SLC35F3: variants seen among roughly 807,000 people sequenced by gnomAD.
SLC35F3 encodes solute carrier family 35 member F3, also known as putative thiamine transporter SLC35F3.
In SLC35F3, 25 loss-of-function variants were observed where a neutral mutation model predicts 49.9. That is an observed-to-expected ratio of 0.50 (90% confidence interval 0.37 to 0.70). The LOEUF is 0.70. Among genes scored for constraint, SLC35F3 ranks in the 30% least tolerant of loss-of-function variants. The pLI, the probability that SLC35F3 is intolerant of heterozygous loss-of-function variation, is 0.00. For missense variants in SLC35F3, 525 were observed against 639.8 expected (o/e 0.82, Z 1.94); for synonymous variants, 275 against 265.4 (o/e 1.04, Z -0.35).
At chr1:234,108,733 ATATC>A (rs1276043397) in intron 2 of SLC35F3, among the ~76,000 whole-genome samples, 7 of 81,670 alleles carry the variant, frequency 8.6e-5, no homozygotes, top group African/African-American at 1.5e-4. Context: ...ATAAATATAT[ATATC>A]TTTTATATAT....
intron 2 of SLC35F3, among the ~76,000 whole-genome samples, chr1:234,109,531 G>A (rs1477625277): frequency 6.6e-6 from 1 of 152,122 alleles, no homozygotes; most frequent in Non-Finnish European, 1.5e-5. Flanking sequence ...GTTTCTCTGT[G>A]CGGTTGACTT....
intron 2 of SLC35F3, among the ~76,000 whole-genome samples, chr1:234,171,771 A>G (rs1241885643): frequency 6.6e-6 from 1 of 152,222 alleles, no homozygotes; most frequent in African/African-American, 2.4e-5. Context: ...CTGTAGAATA[A>G]CTGTAGTTAA....
intron 3 of SLC35F3, chr1:234,268,468 A>AGGGAGAGGGAGG (rs1333922941): frequency 2.6e-5 from 4 of 152,378 alleles, no homozygotes; most frequent in South Asian, 4.2e-4. Flanking sequence ...AGAGAGGGAG[A>AGGGAGAGGGAGG]GGGAGAGGGA....
chr1:234,144,583 G>A (rs1045568779), intron 2 of SLC35F3, among the ~76,000 whole-genome samples: 5 of 152,114 alleles, frequency 3.3e-5, no homozygotes, highest in South Asian at 2.1e-4. Flanking sequence ...ATTTAGAAGC[G>A]AAATTAGCAC....
At position 234,049,812 on chromosome 1, in the gene SLC35F3, G is replaced by A. The variant is rs559824481; in HGVS notation, c.283+144054G>A. ...CTACCCCAACCCCACGACGGGCCCC[G>A]GTGTGTGATGTTCCCTTTCCTGTGT... On this transcript the variant is annotated intron_variant, in intron 2 of 7. Transcript: ENST00000366618. 7.2e-5 allele frequency among the ~76,000 whole-genome samples: 11 copies of A among 152,092 alleles called. No individual in the cohort carries two copies. In the South Asian group the frequency reaches 8.3e-4, roughly 11 times the overall value.
chr1:234,078,177 A>C (rs1024842594), intron 2 of SLC35F3, among the ~76,000 whole-genome samples: 8 of 151,878 alleles, frequency 5.3e-5, no homozygotes, highest in Non-Finnish European at 1.0e-4. Context: ...CCTTTCCTCT[A>C]CCATTTAAAT....
intron 2 of SLC35F3, among the ~76,000 whole-genome samples, chr1:234,122,608 C>G (rs1665592669): frequency 6.6e-6 from 1 of 152,142 alleles, no homozygotes. Flanking sequence ...TCCTAATGCT[C>G]TCCCTCCCCT....
intron 2 of SLC35F3, among the ~76,000 whole-genome samples, chr1:233,915,450 G>A (rs1661952027): frequency 6.6e-6 from 1 of 152,202 alleles, no homozygotes; most frequent in Non-Finnish European, 1.5e-5. Flanking sequence ...GGAGGCTGAG[G>A]TGGGAGGATC....
At chr1:234,152,376 T>C (rs928232472) in intron 2 of SLC35F3, among the ~76,000 whole-genome samples, 1 of 152,026 alleles carries the variant, frequency 6.6e-6, no homozygotes, top group African/African-American at 2.4e-5. Flanking sequence ...TAATGCTATC[T>C]CTCCCCTAGC....
intron 2 of SLC35F3, among the ~76,000 whole-genome samples, chr1:234,080,385 A>G (rs1222316159): frequency 6.6e-6 from 1 of 152,188 alleles, no homozygotes; most frequent in African/African-American, 2.4e-5. Flanking sequence ...CCCCTCAGGT[A>G]TATACCCAAG....
intron 3 of SLC35F3, among the ~76,000 whole-genome samples, chr1:234,270,059 A>G (rs1163923734): frequency 6.6e-6 from 1 of 152,126 alleles, no homozygotes; most frequent in Non-Finnish European, 1.5e-5. Flanking sequence ...TAACCTTCAC[A>G]TCTTCATTAA....
rs1364505331 is a variant in SLC35F3, at chr1:234,267,722, G to T, written c.608+35981G>T. Among the ~76,000 whole-genome samples the T allele has an allele frequency of 1.4e-3, 153 of 112,918 alleles. No homozygotes were observed. The East Asian group carries it at 0.022, about 16-fold the overall frequency. The allele number at this position is 112,918 out of a possible 152,430, so 74.1% of individuals were successfully genotyped here. On this transcript the variant is annotated intron_variant, in intron 3 of 7. Transcript: ENST00000366618. ...GACGGGGTGGCTGCCGGACGGAGGG[G>T]CTCCTCACTTCTCAGACGGGGCGGT...
At chr1:234,079,931 G>A (rs1178965975) in intron 2 of SLC35F3, among the ~76,000 whole-genome samples, 1 of 152,092 alleles carries the variant, frequency 6.6e-6, no homozygotes, top group Non-Finnish European at 1.5e-5. Context: ...CTCCTAAAAC[G>A]CTAGAGATTT....
At position 234,172,703 on chromosome 1, in the gene SLC35F3, A is replaced by G. The variant is rs552869170; in HGVS notation, c.284-58714A>G. Among the ~76,000 whole-genome samples the G allele has an allele frequency of 3.5e-4, 54 of 152,274 alleles. No homozygotes were observed. The South Asian group carries it at 7.9e-3, about 22-fold the overall frequency. On this transcript the variant is annotated intron_variant, in intron 2 of 7. Coordinates refer to ENST00000366618, the MANE Select transcript of SLC35F3 (RefSeq NM_173508.4). ...CTATTTCCTCTGCTTCTAGGCTACAAACTGGTACAGCATGTGACTGTTCTC... is the reference window on the plus strand; with the variant it reads ...CTATTTCCTCTGCTTCTAGGCTACAGACTGGTACAGCATGTGACTGTTCTC...
chr1:234,118,102 C>T (rs1665520341), intron 2 of SLC35F3, among the ~76,000 whole-genome samples: 1 of 152,050 alleles, frequency 6.6e-6, no homozygotes, highest in Middle Eastern at 3.4e-3. Context: ...CTAGTTAACA[C>T]TGTGCTTTGT....
chr1:234,279,166 G>C (rs1668263658), intron 3 of SLC35F3, among the ~76,000 whole-genome samples: 1 of 152,170 alleles, frequency 6.6e-6, no homozygotes, highest in South Asian at 2.1e-4. Context: ...AACTGTAAGT[G>C]GGGAGGGGAC....
chr1:233,920,464 G>A (rs1173227968), intron 2 of SLC35F3, among the ~76,000 whole-genome samples: 1 of 152,206 alleles, frequency 6.6e-6, no homozygotes, highest in Non-Finnish European at 1.5e-5. Flanking sequence ...CATGTTTGCA[G>A]TTGTCTGAAA....
chr1:234,133,062 G>T (rs1665758201), intron 2 of SLC35F3, among the ~76,000 whole-genome samples: 2 of 152,186 alleles, frequency 1.3e-5, no homozygotes, highest in African/African-American at 4.8e-5. Context: ...TCCAAAACTA[G>T]TAAGTAGTGA....
At chr1:234,259,903 A>G (rs924379785) in intron 3 of SLC35F3, among the ~76,000 whole-genome samples, 2 of 152,078 alleles carry the variant, frequency 1.3e-5, no homozygotes, top group African/African-American at 2.4e-5. Flanking sequence ...CACAGCTTCA[A>G]TATAATAAAA....
Sources: allele counts gnomAD v4.1 joint callset (sites outside exome capture counted in the v4.1 genomes callset), GRCh38; gene constraint gnomAD v4.1.1; transcripts MANE v1.5; gene names NCBI Gene and HGNC (gene_info 2026-07-23, HGNC 2026-07-21).